Variants in SNTG1 observed in about 807,000 individuals in gnomAD.
SNTG1 encodes the protein syntrophin gamma 1.
SNTG1 carries 39 observed loss-of-function variants against 74.7 expected under a neutral mutation model. The observed-to-expected ratio is 0.52, with a 90% CI of 0.40 to 0.68. The LOEUF is 0.68. SNTG1 is among the 30% of genes least tolerant of loss of function. The pLI is 0.00. For missense variants in SNTG1, 685 were observed against 609.5 expected, an observed-to-expected ratio of 1.12 and a Z score of -1.30; for synonymous variants, 254 against 217.1, an observed-to-expected ratio of 1.17 and a Z score of -1.49.
chr8:50,682,965 A>G lies in SNTG1; in HGVS notation c.1039-21635A>G, dbSNP rs147540599. Among the ~76,000 whole-genome samples the G allele has an allele frequency of 3.0e-3, 453 of 152,296 alleles. 3 individuals are homozygous for G. The highest frequency in any genetic ancestry group is 0.011 in the African/African-American group (437 of 41,566). Reference sequence around the variant, plus strand: ...TTCCTATTATGCTTTATAAATGGCAATGCCCCAAAGGATAGTACTCCCTAC... The same window carrying G: ...TTCCTATTATGCTTTATAAATGGCAGTGCCCCAAAGGATAGTACTCCCTAC... On this transcript the variant is annotated intron_variant, in intron 15 of 18. Transcript: ENST00000642720.
intron 16 of SNTG1, among the ~76,000 whole-genome samples, chr8:50,705,523 A>G (rs1320168811): frequency 6.6e-6 from 1 of 152,140 alleles, no homozygotes; most frequent in East Asian, 1.9e-4. Context: ...TGTGTTTTCT[A>G]CTTATTTATA....
intron 2 of SNTG1, among the ~76,000 whole-genome samples, chr8:50,366,267 T>C (rs2131108909): frequency 6.6e-6 from 1 of 152,262 alleles, no homozygotes; most frequent in East Asian, 1.9e-4. Context: ...ACTAAATCAA[T>C]CAGTATCAGG....
At chr8:50,269,618 T>C (rs1222257268) in intron 2 of SNTG1, among the ~76,000 whole-genome samples, 2 of 152,200 alleles carry the variant, frequency 1.3e-5, no homozygotes, top group African/African-American at 4.8e-5. Context: ...CAAAGTATGG[T>C]ACTCACATTG....
At chr8:50,244,741 C>T (rs1186143675) in intron 2 of SNTG1, among the ~76,000 whole-genome samples, 3 of 152,106 alleles carry the variant, frequency 2.0e-5, no homozygotes, top group African/African-American at 7.2e-5. Flanking sequence ...AACTCTTTGC[C>T]AATGTAAGAC....
intron 17 of SNTG1, among the ~76,000 whole-genome samples, chr8:50,716,964 C>T (rs922766286): frequency 5.9e-5 from 9 of 152,050 alleles, no homozygotes; most frequent in African/African-American, 1.7e-4. Flanking sequence ...ACTCGATCTC[C>T]TGACCTCGTG....
At chr8:50,763,840 C>G (rs184464337) in intron 18 of SNTG1, among the ~76,000 whole-genome samples, 1 of 135,746 alleles carries the variant, frequency 7.4e-6, no homozygotes, top group African/African-American at 2.7e-5. Context: ...GAGATAAGCT[C>G]TAAAATTAAT....
chr8:50,709,232 T>A (rs1364682728), intron 17 of SNTG1: 7 of 417,258 alleles, frequency 1.7e-5, no homozygotes, highest in Non-Finnish European at 3.0e-5. Context: ...TATGTATCTA[T>A]CTATCAATCA....
At chr8:50,113,454 A>C (rs2080684534) in intron 1 of SNTG1, among the ~76,000 whole-genome samples, 1 of 152,306 alleles carries the variant, frequency 6.6e-6, no homozygotes, top group East Asian at 1.9e-4. Flanking sequence ...ACTTTGCTGA[A>C]GTTGCTTATC....
intron 9 of SNTG1, among the ~76,000 whole-genome samples, chr8:50,513,605 C>T (rs1396303629): frequency 6.6e-6 from 1 of 152,236 alleles, no homozygotes; most frequent in Non-Finnish European, 1.5e-5. Context: ...CTACTCAAGC[C>T]TTGGCAATGG....
chr8:50,226,046 G>A (rs1404146920), intron 2 of SNTG1, among the ~76,000 whole-genome samples: 1 of 152,074 alleles, frequency 6.6e-6, no homozygotes, highest in Non-Finnish European at 1.5e-5. Flanking sequence ...GAACACAATA[G>A]AATTGCAAAT....
intron 1 of SNTG1, among the ~76,000 whole-genome samples, chr8:49,939,269 G>T (rs774714852): frequency 1.3e-5 from 2 of 152,112 alleles, no homozygotes; most frequent in African/African-American, 2.4e-5. Flanking sequence ...AACTAAATTT[G>T]TATCTGTATT....
chr8:50,174,386 G>C (rs2082917881), intron 2 of SNTG1, among the ~76,000 whole-genome samples: 2 of 152,006 alleles, frequency 1.3e-5, no homozygotes. Flanking sequence ...TGGTATTTCT[G>C]GTTCTAGATC....
intron 1 of SNTG1, among the ~76,000 whole-genome samples, chr8:49,954,471 C>G (rs1221351764): frequency 6.6e-6 from 1 of 152,082 alleles, no homozygotes; most frequent in Non-Finnish European, 1.5e-5. Flanking sequence ...GTTTATAAGT[C>G]TTATTCTGTG....
chr8:50,441,628 T>C (rs1338058983), intron 5 of SNTG1, among the ~76,000 whole-genome samples: 1 of 152,244 alleles, frequency 6.6e-6, no homozygotes, highest in Non-Finnish European at 1.5e-5. Flanking sequence ...GAATCCTTTT[T>C]CTTTTCAAAT....
intron 2 of SNTG1, among the ~76,000 whole-genome samples, chr8:50,183,043 C>T (rs1015645230): frequency 6.6e-6 from 1 of 152,098 alleles, no homozygotes; most frequent in Non-Finnish European, 1.5e-5. Context: ...CGGTTTGCCC[C>T]AACTGACTGT....
intron 1 of SNTG1, among the ~76,000 whole-genome samples, chr8:50,143,957 A>G (rs1586460279): frequency 6.6e-6 from 1 of 152,182 alleles, no homozygotes; most frequent in East Asian, 1.9e-4. Flanking sequence ...CATAACAAGA[A>G]CATGTCACCA....
intron 1 of SNTG1, among the ~76,000 whole-genome samples, chr8:50,139,068 T>C: frequency 6.6e-6 from 1 of 152,200 alleles, no homozygotes; most frequent in Admixed American, 6.5e-5. Context: ...ATTTGTAATG[T>C]GTATATTTGC....
intron 2 of SNTG1, among the ~76,000 whole-genome samples, chr8:50,266,130 A>C (rs2087453542): frequency 6.6e-6 from 1 of 152,038 alleles, no homozygotes; most frequent in South Asian, 2.1e-4. Flanking sequence ...AATACCCAAA[A>C]CAATCTTGAG....
intron 1 of SNTG1, among the ~76,000 whole-genome samples, chr8:49,916,887 G>A (rs1806090284): frequency 6.6e-6 from 1 of 151,782 alleles, no homozygotes; most frequent in Non-Finnish European, 1.5e-5. Context: ...ATATCTGGGT[G>A]TGGTGAATGT....
Sources: gnomAD v4.1 joint callset for allele counts (sites outside exome capture counted in the v4.1 genomes callset) on GRCh38, gnomAD v4.1.1 for gene constraint, MANE v1.5 for transcripts, NCBI Gene and HGNC (gene_info 2026-07-23, HGNC 2026-07-21) for gene names.